TENT2: variants seen among roughly 807,000 people sequenced by gnomAD.
The protein encoded by TENT2 is terminal nucleotidyltransferase 2, also known as poly(A) RNA polymerase GLD2.
A neutral mutation model predicts 72.2 loss-of-function variants in TENT2; 44 were observed. That is an observed-to-expected ratio of 0.61 (90% CI 0.48 to 0.78). The LOEUF (loss-of-function observed/expected upper bound fraction) is 0.78, where lower values mean the gene tolerates loss of function less well. TENT2 is among the 30% of genes least tolerant of loss of function. The pLI is 0.00. For synonymous variants in TENT2, 212 were observed against 192.5 expected (o/e 1.10, Z -0.84); for missense variants, 541 against 569.6 (o/e 0.95, Z 0.51).
chr5:79,618,428 C>T (rs1329579083), intron 1 of TENT2, among the ~76,000 whole-genome samples: 2 of 151,610 alleles, frequency 1.3e-5, no homozygotes, highest in East Asian at 3.9e-4. Flanking sequence ...GAGACAGGGT[C>T]TCACTTTGTT....
chr5:79,675,794 T>A (rs1816821517), intron 12 of TENT2, among the ~76,000 whole-genome samples: 1 of 152,132 alleles, frequency 6.6e-6, no homozygotes, highest in African/African-American at 2.4e-5. Flanking sequence ...GACATCCAGG[T>A]GACAGTTTCC....
intron 1 of TENT2, 88 bp from the exon 2 acceptor site, chr5:79,619,524 T>C: frequency 1.0e-6 from 1 of 955,240 alleles, no homozygotes; most frequent in African/African-American, 1.7e-5. Context: ...TGATAACTAA[T>C]TGTTTTAAGT....
chr5:79,681,682 C>T (rs778921748), intron 13 of TENT2: 69 of 206,904 alleles, frequency 3.3e-4, no homozygotes, highest in Non-Finnish European at 5.9e-4. Flanking sequence ...AGGTCTTTGA[C>T]CCTCTGTAAT....
At chr5:79,655,478 CTAGAG>C (rs1382620370) in intron 10 of TENT2, among the ~76,000 whole-genome samples, 2 of 152,002 alleles carry the variant, frequency 1.3e-5, no homozygotes, top group Non-Finnish European at 2.9e-5. Flanking sequence ...TTTTAGTATA[CTAGAG>C]TATTGAATGG....
intron 11 of TENT2, among the ~76,000 whole-genome samples, chr5:79,666,375 CT>C (rs777248484): frequency 4.0e-3 from 556 of 139,266 alleles, no homozygotes; most frequent in Admixed American, 4.5e-3. Flanking sequence ...TCTTTTCTTT[CT>C]TTTTTTTTTT....
chr5:79,676,162 A>G (rs1016447695), intron 12 of TENT2, among the ~76,000 whole-genome samples: 1 of 126,546 alleles, frequency 7.9e-6, no homozygotes, highest in African/African-American at 4.1e-5. Context: ...ATATATATGT[A>G]TACACACACA....
rs1423373786 is a variant in TENT2, at chr5:79,640,019, G to A, written c.466-832G>A. ...CACCTGTAATCCCAGCACTTTGGGA[G>A]GCTGAGGCAGGCAGATCACTTGAGG... is the stretch of plus-strand genomic sequence containing the variant. On this transcript the variant is annotated intron_variant, in intron 4 of 14. Coordinates refer to ENST00000453514, the MANE Select transcript of TENT2 (RefSeq NM_001114394.3). Among the ~76,000 whole-genome samples, 5 of 152,116 alleles carry A rather than the reference G, an allele frequency of 3.3e-5. No individual in the cohort carries two copies. The East Asian group carries it at 9.6e-4, about 29-fold the overall frequency.
chr5:79,630,567 ACT>A (rs1384143709), intron 4 of TENT2, among the ~76,000 whole-genome samples: 5 of 152,086 alleles, frequency 3.3e-5, no homozygotes, highest in African/African-American at 4.8e-5. Context: ...ACAGAGTGAG[ACT>A]CTGTCTCAAA....
chr5:79,614,431 C>T (rs1443221727), intron 1 of TENT2, among the ~76,000 whole-genome samples: 1 of 152,156 alleles, frequency 6.6e-6, no homozygotes, highest in Admixed American at 6.5e-5. Context: ...ACTACCTTGT[C>T]TCATGTAAAC....
intron 10 of TENT2, among the ~76,000 whole-genome samples, chr5:79,653,902 A>C (rs1029237784): frequency 1.3e-5 from 2 of 152,202 alleles, no homozygotes; most frequent in Admixed American, 6.5e-5. Flanking sequence ...CCTGTAACAC[A>C]AACAGTTGGA....
chr5:79,683,760 A>T lies in TENT2; in HGVS notation c.1381-1439A>T, dbSNP rs1824136602. Among the ~76,000 whole-genome samples, 6 of 151,034 alleles carry T rather than the reference A, an allele frequency of 4.0e-5. No homozygotes were observed. In the South Asian group the frequency reaches 1.3e-3, roughly 32 times the overall value. ...GAAACCCCGTTTCTACTAAAAAAAA[A>T]ATACAAAAAATTAGCCGGGTGTAGT... On this transcript the variant is annotated intron_variant, in intron 14 of 14. Coordinates refer to ENST00000453514, the MANE Select transcript of TENT2 (RefSeq NM_001114394.3).
intron 12 of TENT2, among the ~76,000 whole-genome samples, chr5:79,671,459 C>T (rs1369449699): frequency 6.7e-6 from 1 of 150,202 alleles, no homozygotes; most frequent in Non-Finnish European, 1.5e-5. Context: ...GGCTGGAGTG[C>T]AGTGGTGCGA....
At chr5:79,630,478 T>C (rs1003482225) in intron 4 of TENT2, among the ~76,000 whole-genome samples, 5 of 152,090 alleles carry the variant, frequency 3.3e-5, no homozygotes, top group African/African-American at 1.2e-4. Context: ...CTTGGGAGCC[T>C]GAGGCAGAGA....
In TENT2 at chr5:79,624,929, T is replaced by G. The variant is rs542840942; in HGVS notation, c.465+1440T>G. 4.6e-5 allele frequency among the ~76,000 whole-genome samples: 7 copies of G among 152,340 alleles called. No individual in the cohort carries two copies. The East Asian group carries it at 1.3e-3, about 29-fold the overall frequency. On this transcript the variant is annotated intron_variant, in intron 4 of 14. Coordinates refer to ENST00000453514, the MANE Select transcript of TENT2 (RefSeq NM_001114394.3). Reference sequence around the variant, plus strand: ...CCTCTCTTGGAGTGAAATTGCTTGGTCATATGGTAGCTCTGTGTTTAACTT... The same window carrying G: ...CCTCTCTTGGAGTGAAATTGCTTGGGCATATGGTAGCTCTGTGTTTAACTT...
chr5:79,685,358 T>G lies in TENT2; in HGVS notation c.*85T>G. ...TACATTATGTTTACCTCCATCATAGTTGCTTTTTTCATAGTTCTTGTTTTC... is the reference window on the plus strand; with the variant it reads ...TACATTATGTTTACCTCCATCATAGGTGCTTTTTTCATAGTTCTTGTTTTC... On this transcript the variant is annotated 3_prime_UTR_variant, in exon 15 of 15. Coordinates refer to ENST00000453514, the MANE Select transcript of TENT2 (RefSeq NM_001114394.3). 2 of 985,234 alleles carry G rather than the reference T, an allele frequency of 2.0e-6. No homozygotes were observed. Among genetic ancestry groups the G allele is most frequent in the Non-Finnish European group, 2.9e-6 (2 of 682,924 alleles). The allele number at this position is 985,234 out of a possible 1,614,324, so 61.0% of individuals were successfully genotyped here.
intron 10 of TENT2, among the ~76,000 whole-genome samples, chr5:79,656,144 C>T (rs1462221453): frequency 6.6e-6 from 1 of 151,886 alleles, no homozygotes; most frequent in Admixed American, 6.6e-5. Flanking sequence ...ATACTCATGA[C>T]ATTATATTTT....
intron 12 of TENT2, among the ~76,000 whole-genome samples, chr5:79,679,232 A>AT (rs1027844219): frequency 2.0e-5 from 3 of 151,818 alleles, no homozygotes; most frequent in Non-Finnish European, 4.4e-5. Context: ...CAGTTACTTC[A>AT]TTTTTTCAAT....
chr5:79,662,967 G>A (rs1170507715), intron 11 of TENT2, among the ~76,000 whole-genome samples: 1 of 152,168 alleles, frequency 6.6e-6, no homozygotes, highest in East Asian at 1.9e-4. Flanking sequence ...GCATTCATCT[G>A]TTGTTCAGTG....
At chr5:79,675,506 C>T (rs929130429) in intron 12 of TENT2, among the ~76,000 whole-genome samples, 1 of 152,036 alleles carries the variant, frequency 6.6e-6, no homozygotes, top group Non-Finnish European at 1.5e-5. Context: ...AAAGACAGTA[C>T]GGTTGGGGGT....
Sources: gnomAD v4.1 joint callset for allele counts (sites outside exome capture counted in the v4.1 genomes callset) on GRCh38, gnomAD v4.1.1 for gene constraint, MANE v1.5 for transcripts, NCBI Gene and HGNC (gene_info 2026-07-23, HGNC 2026-07-21) for gene names.